Variants in ANKRD28 observed in about 807,000 individuals in gnomAD.
The protein encoded by ANKRD28 is serine/threonine-protein phosphatase 6 regulatory ankyrin repeat subunit A.
A neutral mutation model predicts 126.5 loss-of-function variants in ANKRD28; 44 were observed. That is an observed-to-expected ratio of 0.35 (90% CI 0.27 to 0.45). ANKRD28 has a LOEUF of 0.45. Ranked by LOEUF, ANKRD28 falls within the 20% of genes least tolerant of loss-of-function variation. The probability of loss-of-function intolerance (pLI) is 1.00; values close to 1 mark genes in which losing one functional copy is unlikely to be tolerated. For synonymous variants in ANKRD28, 442 were observed against 468.5 expected, an observed-to-expected ratio of 0.94 and a Z score of 0.73; for missense variants, 1,110 against 1,316.6, an observed-to-expected ratio of 0.84 and a Z score of 2.43.
At chr3:15,773,389 C>G (rs1213413699) in intron 2 of ANKRD28, among the ~76,000 whole-genome samples, 3 of 152,136 alleles carry the variant, frequency 2.0e-5, no homozygotes, top group Admixed American at 2.0e-4. Flanking sequence ...CTATGGGAGG[C>G]TAAGGTGGGC....
intron 2 of ANKRD28, among the ~76,000 whole-genome samples, chr3:15,767,265 C>T (rs2125562087): frequency 6.6e-6 from 1 of 152,126 alleles, no homozygotes; most frequent in South Asian, 2.1e-4. Flanking sequence ...TTCATAGATA[C>T]CCTATCTAAA....
At chr3:15,721,742 G>C (rs532747338) in intron 7 of ANKRD28, among the ~76,000 whole-genome samples, 15 of 152,126 alleles carry the variant, frequency 9.9e-5, no homozygotes, top group South Asian at 2.1e-4. Flanking sequence ...TGTAATTAAG[G>C]GTTTTGCTTT....
Position 15,711,111 on chromosome 3 carries a change from T to A in ANKRD28, c.1337+100A>T, listed in dbSNP as rs919192452. On this transcript the variant is annotated intron_variant, in intron 12 of 27. Coordinates refer to ENST00000683139, the MANE Select transcript of ANKRD28 (RefSeq NM_001349278.2). Reference sequence around the variant, plus strand: ...AAACAACTCCTGTTTTGTTTTCTATTTTCTGGCAGCCCAGAATTAATAAAA... The same window carrying A: ...AAACAACTCCTGTTTTGTTTTCTATATTCTGGCAGCCCAGAATTAATAAAA... 2.7e-5 allele frequency: 28 copies of A among 1,041,754 alleles called. No homozygotes were observed. The South Asian group carries it at 4.7e-4, about 18-fold the overall frequency. 64.5% of individuals were successfully genotyped at this position (1,041,754 alleles called of 1,614,324 possible).
rs567333130 is a variant in ANKRD28 at position 15,708,204 on chromosome 3, G to A, written c.1407-140C>T. The A allele has an allele frequency of 8.9e-5, 83 of 934,600 alleles. 1 individual carries two copies. In the South Asian group the frequency reaches 1.2e-3, roughly 13 times the overall value. 57.9% of individuals were successfully genotyped at this position (934,600 alleles called of 1,614,324 possible). The stretch of plus-strand genomic sequence containing the variant: ...TAGACTACCATATACTAAGTCTTGC[G>A]GAGGACTGGACATAAAGCTAGAAGA... On this transcript the variant is annotated intron_variant, in intron 13 of 27. Transcript: ENST00000683139.
At chr3:15,800,434 CAAGAT>C (rs528827596), upstream of ANKRD28, among the ~76,000 whole-genome samples, 23 of 152,184 alleles carry the variant, frequency 1.5e-4, 1 homozygote, top group East Asian at 2.5e-3. Context: ...GAAATCTAAA[CAAGAT>C]AACCTTACTG....
rs2125942030 is a variant in ANKRD28, at chr3:15,833,561, G to A, written c.27+25816C>T. On this transcript the variant is annotated intron_variant, in intron 1 of 27. Transcript: ENST00000399451. This position sits in a 1 kb window ranked among gnomAD's most constrained non-coding sequence, Gnocchi z 4.4. ...ATTATTTTTTATATATATAATGTGT[G>A]TGTGTATATATATATCTCCTATTAG... Among the ~76,000 whole-genome samples, 1 of 149,600 alleles carries A rather than the reference G, an allele frequency of 6.7e-6. No homozygotes were observed. The highest frequency in any genetic ancestry group is 1.9e-4 in the East Asian group (1 of 5,132).
chr3:15,670,310 T>C lies in ANKRD28; in HGVS notation c.3212A>G (p.Asp1071Gly), dbSNP rs1179298322. 6.2e-7 allele frequency: 1 copy of C among 1,613,898 alleles called. No individual in the cohort carries two copies. Among genetic ancestry groups the C allele is most frequent in the Non-Finnish European group, 8.5e-7 (1 of 1,179,812 alleles). Residue 1071 changes from aspartate to glycine, a missense_variant, in exon 28 of 28, where the codon GAC (aspartate) becomes GGC (glycine). Physicochemically the swap from Asp to Gly is moderately conservative, Grantham distance 94. Coordinates refer to ENST00000683139, the MANE Select transcript of ANKRD28 (RefSeq NM_001349278.2). ...IGGEQEYLYT[D>G]VDELNDSDSE... ...ATCGGAGTCGTTGAGCTCATCCACG[T>C]CAGTGTATAAGTACTCCTGTTCCCC... is the stretch of plus-strand genomic sequence containing the variant.
intron 2 of ANKRD28, among the ~76,000 whole-genome samples, chr3:15,773,092 G>C (rs1291072653): frequency 6.6e-6 from 1 of 150,866 alleles, no homozygotes; most frequent in East Asian, 1.9e-4. Context: ...AGTATCTCTA[G>C]TCATAGATGG....
intron 1 of ANKRD28, chr3:15,859,340 C>T: frequency 6.6e-7 from 1 of 1,520,638 alleles, no homozygotes; most frequent in South Asian, 1.2e-5. Context: ...CCTTCCTTCC[C>T]GGACGGCGCG....
intron 1 of ANKRD28, among the ~76,000 whole-genome samples, chr3:15,828,886 G>C (rs1436295364): frequency 2.6e-5 from 4 of 152,098 alleles, no homozygotes; most frequent in African/African-American, 9.7e-5. Context: ...ATATAGATAA[G>C]AAAACATCTG....
intron 23 of ANKRD28, among the ~76,000 whole-genome samples, 159 bp downstream of exon 23, chr3:15,679,135 CTTTTTTT>C (rs71809219): frequency 6.9e-6 from 1 of 143,982 alleles, no homozygotes; most frequent in Admixed American, 7.0e-5. Context: ...TCATCATGCA[CTTTTTTT>C]TTTTTTGGTA....
At chr3:15,768,513 G>A (rs1057159709) in intron 2 of ANKRD28, among the ~76,000 whole-genome samples, 25 of 152,010 alleles carry the variant, frequency 1.6e-4, no homozygotes, top group Admixed American at 1.6e-3. Context: ...TAAATTAGCT[G>A]GGCTGGTGGC....
At chr3:15,794,682 CTT>C (rs2060197954) in intron 2 of ANKRD28, among the ~76,000 whole-genome samples, 1 of 152,124 alleles carries the variant, frequency 6.6e-6, no homozygotes, top group South Asian at 2.1e-4. Context: ...AGTCTGAAAA[CTT>C]TTCCAACAAT....
At chr3:15,850,190 T>TAAAAAAAA (rs1238069051) in intron 1 of ANKRD28, among the ~76,000 whole-genome samples, 17 of 31,962 alleles carry the variant, frequency 5.3e-4, no homozygotes, top group African/African-American at 1.4e-3. Context: ...CTACATGCAA[T>TAAAAAAAA]AAAAAAAAAA....
intron 8 of ANKRD28, among the ~76,000 whole-genome samples, chr3:15,715,411 C>T (rs1054850955): frequency 2.6e-5 from 4 of 152,172 alleles, no homozygotes; most frequent in East Asian, 1.9e-4. Flanking sequence ...CACTGTACAA[C>T]GCAGATATTC....
chr3:15,667,878 T>C lies in ANKRD28; in HGVS notation c.*2392A>G, dbSNP rs2066061794. The C allele has an allele frequency of 1.3e-5, 2 of 152,192 alleles. 1 individual carries two copies. Among genetic ancestry groups the C allele is most frequent in the South Asian group, 4.1e-4 (2 of 4,830 alleles). 9.4% of individuals were successfully genotyped at this position (152,192 alleles called of 1,614,324 possible). A position where few individuals can be genotyped will look rare whatever the true frequency, so the allele number is the denominator to read the frequency against. On this transcript the variant is annotated 3_prime_UTR_variant, in exon 28 of 28. Coordinates refer to ENST00000683139, the MANE Select transcript of ANKRD28 (RefSeq NM_001349278.2). ...ATAAATTAAAAACAGCTTGTCACTT[T>C]ATAGCTACACCTTGGATTTCATTAG... is the stretch of plus-strand genomic sequence containing the variant.
chr3:15,790,223 GA>G (rs1383007296), intron 2 of ANKRD28, among the ~76,000 whole-genome samples: 1 of 152,012 alleles, frequency 6.6e-6, no homozygotes, highest in Non-Finnish European at 1.5e-5. Flanking sequence ...AACATTTAAA[GA>G]AGAACTAATA....
Position 15,675,223 on chromosome 3 carries a change from A to T in ANKRD28, c.2965+675T>A, listed in dbSNP as rs576955009. Among the ~76,000 whole-genome samples, 3 of 152,262 alleles carry T rather than the reference A, an allele frequency of 2.0e-5. No individual in the cohort carries two copies. In the South Asian group the frequency reaches 6.2e-4, roughly 32 times the overall value. On this transcript the variant is annotated intron_variant, in intron 27 of 27. Transcript: ENST00000683139. ...GAGGCGGAGGTTGCAGTAAGCCGAG[A>T]TCATGGCACTGCACTCCAGCCTGGG...
chr3:15,671,270 C>T (rs1473683038), intron 27 of ANKRD28, among the ~76,000 whole-genome samples: 2 of 152,092 alleles, frequency 1.3e-5, no homozygotes, highest in Non-Finnish European at 2.9e-5. Flanking sequence ...ACACAGCAAA[C>T]CAAGGAGGAA....
Sources: allele counts gnomAD v4.1 joint callset (sites outside exome capture counted in the v4.1 genomes callset), GRCh38; gene constraint gnomAD v4.1.1; non-coding constraint Gnocchi (gnomAD v3.1); transcripts MANE v1.5; gene names NCBI Gene and HGNC (gene_info 2026-07-23, HGNC 2026-07-21).